CTNND2: variants seen among roughly 807,000 people sequenced by gnomAD.
CTNND2 encodes the protein catenin delta-2.
A neutral mutation model predicts 144.4 loss-of-function variants in CTNND2; 22 were observed. The observed-to-expected ratio is 0.15, with a 90% CI of 0.11 to 0.22. CTNND2 has a LOEUF of 0.22. Ranked by LOEUF, CTNND2 falls within the 10% of genes least tolerant of loss-of-function variation. The pLI is 1.00. For synonymous variants in CTNND2, 751 were observed against 695.6 expected (o/e 1.08, Z -1.25); for missense variants, 1,353 against 1,618.8 (o/e 0.84, Z 2.82).
At chr5:11,504,538 C>T (rs373475710) in intron 3 of CTNND2, among the ~76,000 whole-genome samples, 1 of 152,270 alleles carries the variant, frequency 6.6e-6, no homozygotes, top group African/African-American at 2.4e-5. Flanking sequence ...TCTTTCCCTT[C>T]ACACCCTGAG....
intron 3 of CTNND2, among the ~76,000 whole-genome samples, chr5:11,474,246 T>C (rs1167698420): frequency 6.6e-6 from 1 of 152,246 alleles, no homozygotes; most frequent in African/African-American, 2.4e-5. Flanking sequence ...TATTTAACAA[T>C]TTAACTGATT....
intron 2 of CTNND2, among the ~76,000 whole-genome samples, chr5:11,682,350 C>T (rs1784452788): frequency 6.6e-6 from 1 of 152,200 alleles, no homozygotes; most frequent in Non-Finnish European, 1.5e-5. Context: ...ATTGCCCTTG[C>T]AGCTTAACAT....
At chr5:11,209,479 T>C (rs924060681) in intron 10 of CTNND2, among the ~76,000 whole-genome samples, 28 of 152,218 alleles carry the variant, frequency 1.8e-4, no homozygotes, top group African/African-American at 6.8e-4. Context: ...CTTAGAGAAG[T>C]TGACTATAGA....
At chr5:11,098,168 C>T (rs948485628) in intron 15 of CTNND2, among the ~76,000 whole-genome samples, 2 of 152,082 alleles carry the variant, frequency 1.3e-5, no homozygotes, top group Non-Finnish European at 1.5e-5. Flanking sequence ...GGCTGGGACC[C>T]GGTACATTTT....
At chr5:11,845,318 C>T (rs1477403990) in intron 1 of CTNND2, among the ~76,000 whole-genome samples, 2 of 152,170 alleles carry the variant, frequency 1.3e-5, no homozygotes, top group Non-Finnish European at 2.9e-5. Context: ...TAAATCTCAT[C>T]TACTCCATGG....
chr5:11,653,426 T>C (rs1280683877), intron 2 of CTNND2, among the ~76,000 whole-genome samples: 1 of 152,132 alleles, frequency 6.6e-6, no homozygotes, highest in Non-Finnish European at 1.5e-5. Context: ...ATAACAGCAA[T>C]ACTAACAGAT....
At chr5:11,583,700 CAGAG>C (rs1778610453) in intron 2 of CTNND2, among the ~76,000 whole-genome samples, 2 of 152,048 alleles carry the variant, frequency 1.3e-5, no homozygotes, top group Admixed American at 1.3e-4. Context: ...ACAAAATAAA[CAGAG>C]AGGTCAGGTT....
At chr5:11,674,658 T>C (rs571260107) in intron 2 of CTNND2, among the ~76,000 whole-genome samples, 4 of 152,334 alleles carry the variant, frequency 2.6e-5, no homozygotes, top group East Asian at 3.9e-4. Context: ...GTTGTTTCAT[T>C]AGAAGTGGGA....
At chr5:11,788,597 T>C (rs1790964864) in intron 1 of CTNND2, among the ~76,000 whole-genome samples, 1 of 152,192 alleles carries the variant, frequency 6.6e-6, no homozygotes, top group African/African-American at 2.4e-5. Context: ...GTTATATCAT[T>C]GTTTTAAGAG....
At chr5:11,250,948 C>A (rs1437777576) in intron 9 of CTNND2, among the ~76,000 whole-genome samples, 1 of 152,112 alleles carries the variant, frequency 6.6e-6, no homozygotes, top group African/African-American at 2.4e-5. Context: ...CATCTATGAT[C>A]TTTTTCACTA....
At chr5:11,634,443 T>G (rs577927400) in intron 2 of CTNND2, among the ~76,000 whole-genome samples, 1 of 152,294 alleles carries the variant, frequency 6.6e-6, no homozygotes, top group African/African-American at 2.4e-5. Flanking sequence ...ATCTGGACTT[T>G]CTCCTCAATC....
chr5:11,522,679 C>T (rs1772850631), intron 3 of CTNND2, among the ~76,000 whole-genome samples: 1 of 152,102 alleles, frequency 6.6e-6, no homozygotes, highest in Non-Finnish European at 1.5e-5. Context: ...GAGTATTTCC[C>T]ATTCATTCTA....
chr5:11,284,261 CATT>C (rs1456386563), intron 9 of CTNND2, among the ~76,000 whole-genome samples: 1 of 152,048 alleles, frequency 6.6e-6, no homozygotes, highest in African/African-American at 2.4e-5. Flanking sequence ...GGGCCTATCT[CATT>C]ATTTTTTTAT....
intron 1 of CTNND2, among the ~76,000 whole-genome samples, chr5:11,838,118 C>A (rs1421117410): frequency 6.6e-6 from 1 of 152,142 alleles, no homozygotes; most frequent in Non-Finnish European, 1.5e-5. Context: ...ACCTTGTATT[C>A]TAACATTCCC....
intron 3 of CTNND2, among the ~76,000 whole-genome samples, chr5:11,561,969 C>T (rs1561559515): frequency 1.3e-5 from 2 of 151,912 alleles, no homozygotes; most frequent in Non-Finnish European, 2.9e-5. Context: ...TCCCTTGAAC[C>T]CAGGAGGGGG....
intron 2 of CTNND2, among the ~76,000 whole-genome samples, chr5:11,629,934 A>T (rs1013203672): frequency 1.2e-4 from 19 of 152,180 alleles, no homozygotes; most frequent in African/African-American, 4.3e-4. Context: ...ATTAATTGAA[A>T]CTTAAAATGC....
chr5:11,865,822 C>A (rs1437982142), intron 1 of CTNND2, among the ~76,000 whole-genome samples: 2 of 141,784 alleles, frequency 1.4e-5, no homozygotes, highest in African/African-American at 5.1e-5. Context: ...AGTACTCAGC[C>A]TGTTGACACG....
chr5:11,013,861 C>T (rs1048659452), intron 18 of CTNND2, among the ~76,000 whole-genome samples: 2 of 152,142 alleles, frequency 1.3e-5, no homozygotes, highest in Admixed American at 1.3e-4. Flanking sequence ...GGTGTGAGCC[C>T]GAGACTGGCA....
chr5:11,164,623 A>C (rs893810135), intron 11 of CTNND2, among the ~76,000 whole-genome samples: 51 of 152,118 alleles, frequency 3.4e-4, no homozygotes, highest in African/African-American at 1.2e-3. Flanking sequence ...TTGAACACAC[A>C]AGCTCCTTTG....
Sources: allele counts gnomAD v4.1 joint callset (sites outside exome capture counted in the v4.1 genomes callset), GRCh38; gene constraint gnomAD v4.1.1; transcripts MANE v1.5; gene names NCBI Gene and HGNC (gene_info 2026-07-23, HGNC 2026-07-21).